The following CFAP44 variants were observed in gnomAD, a reference collection of about 807,000 sequenced individuals.
The protein encoded by CFAP44 is cilia and flagella associated protein 44, also known as cilia- and flagella-associated protein 44.
Under a neutral mutation model 216.2 loss-of-function variants are expected in CFAP44, and 134 were observed. That is an observed-to-expected ratio of 0.62 (90% CI 0.54 to 0.72). The LOEUF is 0.72. Ranked by LOEUF, CFAP44 falls within the 30% of genes least tolerant of loss-of-function variation. The pLI, the probability that CFAP44 is intolerant of heterozygous loss-of-function variation, is 0.00. For synonymous variants in CFAP44, 700 were observed against 727.6 expected, an observed-to-expected ratio of 0.96 and a Z score of 0.61; for missense variants, 2,035 against 2,182.1, an observed-to-expected ratio of 0.93 and a Z score of 1.34.
rs566235813 is a variant in CFAP44 at position 113,306,200 on chromosome 3, C to G, written c.4758+1G>C. The stretch of plus-strand genomic sequence containing the variant: ...ATAAATAAGTAAACAGATCACCATA[C>G]TTTTTTTGACAATGTATCATATTCC... On this transcript the variant is annotated splice_donor_variant, in intron 30 of 34. Transcript: ENST00000393845. LOFTEE classifies it high-confidence loss of function. 6.5e-7 allele frequency: 1 copy of G among 1,535,056 alleles called. No individual in the cohort carries two copies. Among genetic ancestry groups the G allele is most frequent in the South Asian group, 1.2e-5 (1 of 83,258 alleles).
At chr3:113,428,392 G>C (rs962791167) in intron 2 of CFAP44, among the ~76,000 whole-genome samples, 9 of 152,182 alleles carry the variant, frequency 5.9e-5, no homozygotes, top group Non-Finnish European at 1.2e-4. Flanking sequence ...CCTGGAGAAG[G>C]GTTGTGCTAC....
chr3:113,298,025 G>A lies in CFAP44; in HGVS notation c.5078-1140C>T, dbSNP rs77028861. 7.9e-3 allele frequency among the ~76,000 whole-genome samples: 1,207 copies of A among 152,314 alleles called. 17 individuals carry two copies. Among genetic ancestry groups the A allele is most frequent in the African/African-American group, 0.028 (1,146 of 41,558 alleles). ...ATGTGGTGGCCATCTAATCAGTGAC[G>A]CAAATGAAACGATGAATAGATGATG... On this transcript the variant is annotated intron_variant, in intron 32 of 34. Transcript: ENST00000393845.
chr3:113,339,932 C>T (rs1222055995), intron 24 of CFAP44, among the ~76,000 whole-genome samples: 1 of 152,272 alleles, frequency 6.6e-6, no homozygotes, highest in East Asian at 1.9e-4. Flanking sequence ...TGCAACTGAG[C>T]CTTTCTAATC....
intron 23 of CFAP44, among the ~76,000 whole-genome samples, chr3:113,343,059 C>CTTTTTTT (rs397990837): frequency 6.6e-5 from 7 of 106,772 alleles, no homozygotes; most frequent in Non-Finnish European, 7.3e-5. Flanking sequence ...TTCTTTCTTT[C>CTTTTTTT]TTTTTTTTTT....
chr3:113,380,143 C>A (rs115960952), intron 16 of CFAP44, among the ~76,000 whole-genome samples: 3,813 of 152,276 alleles, frequency 0.025, 58 homozygotes, highest in East Asian at 0.052. Context: ...CCCACTAACT[C>A]GTCATCTAGC....
rs758851970 is a variant in CFAP44 at position 113,366,248 on chromosome 3, T to C, written c.2506A>G (p.Asn836Asp). The C allele has an allele frequency of 6.8e-6, 11 of 1,613,784 alleles. No individual in the cohort carries two copies. The highest frequency in any genetic ancestry group is 5.0e-5 in the Admixed American group (3 of 59,994). The change falls in exon 19 of 35, where the codon AAT becomes GAT. Residue 836 changes from asparagine (N) to aspartate (D), a missense_variant. Physicochemically the swap from Asn to Asp is conservative, Grantham distance 23 (BLOSUM62 1). Coordinates refer to ENST00000393845, the MANE Select transcript of CFAP44 (RefSeq NM_001164496.2). Reference protein sequence around the residue: ...KNGAIRVYVLNQNDPSLTSLV... With the variant: ...KNGAIRVYVLDQNDPSLTSLV... Reference sequence around the variant, plus strand: ...CTGGTCAATGAAGGATCATTTTGATTTAGGACATAGACTCGAATTGCTCCA... The same window carrying C: ...CTGGTCAATGAAGGATCATTTTGATCTAGGACATAGACTCGAATTGCTCCA...
In CFAP44 at chr3:113,426,279, TA is replaced by T; in HGVS notation, c.254-3del. Reference sequence around the variant, plus strand: ...CTGGAGCAGGGGTTTGCTGAGGTACTAAAAAAATAAAATAATTTAAGAAGAG... The same window carrying T: ...CTGGAGCAGGGGTTTGCTGAGGTACTAAAAAATAAAATAATTTAAGAAGAG... On this transcript the variant is annotated splice_region_variant and splice_polypyrimidine_tract_variant and intron_variant, in intron 3 of 34. Coordinates refer to ENST00000393845, the MANE Select transcript of CFAP44 (RefSeq NM_001164496.2). 1 of 1,611,456 alleles carries T rather than the reference TA, an allele frequency of 6.2e-7. No homozygotes were observed. The highest frequency in any genetic ancestry group is 8.5e-7 in the Non-Finnish European group (1 of 1,179,190).
chr3:113,375,771 A>T (rs1016537899), intron 17 of CFAP44, among the ~76,000 whole-genome samples: 1 of 152,180 alleles, frequency 6.6e-6, no homozygotes, highest in Non-Finnish European at 1.5e-5. Context: ...TAGTGAGCTG[A>T]GACGGCACCA....
In CFAP44 at chr3:113,401,709, C is replaced by T; in HGVS notation, c.1201G>A (p.Asp401Asn). Residue 401 changes from aspartate to asparagine, a missense_variant, in exon 10 of 35, where the codon GAT (aspartate) becomes AAT (asparagine). Physicochemically the swap from Asp to Asn is conservative, Grantham distance 23 (BLOSUM62 1). This residue lies in a region of CFAP44 where 1,883 missense variants were observed against 2,023.7 expected (regional missense o/e 0.93). Coordinates refer to ENST00000393845, the MANE Select transcript of CFAP44 (RefSeq NM_001164496.2). ...IWDFETIDTA[D>N]VIDETGLLEI... ...AACAATCCAGTCTCATCTATTACAT[C>T]AGCAGTGTCTATTGTCTCAAAATCC... 6.2e-7 allele frequency: 1 copy of T among 1,612,928 alleles called. No individual in the cohort carries two copies. Among genetic ancestry groups the T allele is most frequent in the Non-Finnish European group, 8.5e-7 (1 of 1,179,466 alleles).
At chr3:113,397,015 A>G (rs11914782) in intron 13 of CFAP44, 28,767 of 395,848 alleles carry the variant, frequency 0.073, 1,276 homozygotes, top group East Asian at 0.17. Flanking sequence ...AATATAAACC[A>G]ACTCAGTGCT....
intron 25 of CFAP44, among the ~76,000 whole-genome samples, chr3:113,332,496 T>C (rs1276361032): frequency 6.6e-6 from 1 of 152,224 alleles, no homozygotes; most frequent in Non-Finnish European, 1.5e-5. Flanking sequence ...CATGATGTGA[T>C]TGGCACCCTC....
chr3:113,352,263 G>A (rs1950452450), intron 22 of CFAP44, among the ~76,000 whole-genome samples: 1 of 152,194 alleles, frequency 6.6e-6, no homozygotes, highest in Non-Finnish European at 1.5e-5. Flanking sequence ...TGTGGGCAGG[G>A]ACAAATAAGG....
Position 113,302,457 on chromosome 3 carries a change from T to TAAAAAAAAAAAAAAAAAAAA in CFAP44, c.5077+1439_5077+1458dup, listed in dbSNP as rs60866565. Among the ~76,000 whole-genome samples, 102 of 75,778 alleles carry TAAAAAAAAAAAAAAAAAAAA rather than the reference T, an allele frequency of 1.3e-3. 3 individuals are homozygous for TAAAAAAAAAAAAAAAAAAAA. The highest frequency in any genetic ancestry group is 2.7e-3 in the East Asian group (7 of 2,594). 49.7% of individuals were successfully genotyped at this position (75,778 alleles called of 152,430 possible). ...GTATCCAAAGATACACTAGACAAAG[T>TAAAAAAAAAAAAAAAAAAAA]AAAAAAAAAAAAAAAAAAAAAAAGA... is the stretch of plus-strand genomic sequence containing the variant. On this transcript the variant is annotated intron_variant, in intron 32 of 34. Transcript: ENST00000393845.
At chr3:113,394,488 T>C (rs1933936563) in intron 15 of CFAP44, among the ~76,000 whole-genome samples, 1 of 152,214 alleles carries the variant, frequency 6.6e-6, no homozygotes, top group African/African-American at 2.4e-5. Context: ...TCTGTAGCTA[T>C]CTCTTATTCA....
chr3:113,392,205 T>C (rs116361526), intron 15 of CFAP44, among the ~76,000 whole-genome samples: 273 of 152,324 alleles, frequency 1.8e-3, no homozygotes, highest in African/African-American at 6.3e-3. Flanking sequence ...ACACAATGTG[T>C]ACTCTTCAGC....
chr3:113,319,984 AT>A, intron 28 of CFAP44, among the ~76,000 whole-genome samples: 1 of 152,206 alleles, frequency 6.6e-6, no homozygotes, highest in Non-Finnish European at 1.5e-5. Flanking sequence ...AAACCAGAAA[AT>A]CTAGAGGAAA....
chr3:113,421,740 A>G (rs1458860697), intron 4 of CFAP44, among the ~76,000 whole-genome samples: 1 of 152,148 alleles, frequency 6.6e-6, no homozygotes, highest in Non-Finnish European at 1.5e-5. Flanking sequence ...CAGAAACAGA[A>G]AACCAAATAT....
intron 17 of CFAP44, among the ~76,000 whole-genome samples, chr3:113,374,080 T>C (rs555204686): frequency 1.1e-3 from 173 of 152,114 alleles, no homozygotes; most frequent in African/African-American, 3.9e-3. Flanking sequence ...GGAAACAAAT[T>C]AAGGGTCAGA....
chr3:113,384,121 T>A (rs1933586136), intron 15 of CFAP44, among the ~76,000 whole-genome samples: 3 of 151,950 alleles, frequency 2.0e-5, no homozygotes, highest in Admixed American at 6.6e-5. Context: ...TGCAGTGGCA[T>A]GATCTCAGCT....
Sources: gnomAD v4.1 joint callset for allele counts (sites outside exome capture counted in the v4.1 genomes callset) on GRCh38, gnomAD v4.1.1 for gene constraint, gnomAD v4.1.1 regional missense constraint, MANE v1.5 for transcripts, NCBI Gene and HGNC (gene_info 2026-07-23, HGNC 2026-07-21) for gene names.